The following TRIO variants were observed in gnomAD, a reference collection of about 807,000 sequenced individuals.
TRIO encodes the protein triple functional domain protein.
TRIO carries 58 observed loss-of-function variants against 351.9 expected under a neutral mutation model. The observed-to-expected ratio is 0.16, with a 90% CI of 0.13 to 0.21. The LOEUF is 0.21. Ranked by LOEUF, TRIO falls within the 10% of genes least tolerant of loss-of-function variation. The pLI, the probability that TRIO is intolerant of heterozygous loss-of-function variation, is 1.00. For synonymous variants in TRIO, 1,758 were observed against 1,595.7 expected (o/e 1.10, Z -2.42); for missense variants, 3,201 against 4,027.8 (o/e 0.79, Z 5.56).
At position 14,419,924 on chromosome 5, in the gene TRIO, C is replaced by T. The variant is rs545906078; in HGVS notation, c.5106C>T (p.Asp1702=). The T allele has an allele frequency of 1.2e-6, 2 of 1,614,156 alleles. No homozygotes were observed. The highest frequency in any genetic ancestry group is 1.7e-5 in the Admixed American group (1 of 60,024). The part of the protein sequence containing the change: ...KPDWCLVRTT[D]RSPAAEGLVP... ...ACTGGTGTCTGGTGCGGACAACTGACCGCTCCCCAGCGGCAGAAGGCCTGG... is the reference window on the plus strand; with the variant it reads ...ACTGGTGTCTGGTGCGGACAACTGATCGCTCCCCAGCGGCAGAAGGCCTGG... The change falls in exon 34 of 57, where the codon GAC becomes GAT. Residue 1702 remains aspartate, a synonymous_variant. Transcript: ENST00000344204.
At chr5:14,488,574 A>C (rs1756227018) in intron 48 of TRIO, 8 of 502,522 alleles carry the variant, frequency 1.6e-5, no homozygotes, top group Non-Finnish European at 1.4e-5. Flanking sequence ...TGCCTTCCTC[A>C]CGCACCTATT....
intron 37 of TRIO, among the ~76,000 whole-genome samples, chr5:14,470,831 A>T (rs1009821195): frequency 6.6e-6 from 1 of 152,216 alleles, no homozygotes; most frequent in African/African-American, 2.4e-5. Flanking sequence ...TAATCAGGAA[A>T]CAAACCAAGT....
In TRIO at chr5:14,363,877, T is replaced by G; in HGVS notation, c.2537T>G (p.Ile846Ser). The G allele has an allele frequency of 6.2e-7, 1 of 1,614,204 alleles. No individual in the cohort carries two copies. The highest frequency in any genetic ancestry group is 8.5e-7 in the Non-Finnish European group (1 of 1,180,030). ...LTMNNLTFDV[I>S]HQGQDLLQYV... is the part of the protein sequence containing the mutation. ...ATGAACAACTTGACTTTTGACGTCA[T>G]CCACCAAGGGCAAGATCTTCTGCAG... Residue 846 changes from isoleucine to serine, a missense_variant, in exon 14 of 57, where the codon ATC (isoleucine) becomes AGC (serine). This residue lies in a region of TRIO where 363 missense variants were observed against 553.5 expected (regional missense o/e 0.66). Coordinates refer to ENST00000344204, the MANE Select transcript of TRIO (RefSeq NM_007118.4).
intron 9 of TRIO, among the ~76,000 whole-genome samples, chr5:14,324,349 T>C: frequency 6.6e-6 from 1 of 152,350 alleles, no homozygotes; most frequent in East Asian, 1.9e-4. Flanking sequence ...AGATGTGACT[T>C]AGAAGGGGTT....
chr5:14,471,345 C>T lies in TRIO; in HGVS notation c.5791C>T (p.Leu1931Phe), dbSNP rs2126550841. ...ACTGGAGGATCGCCCCAGCTCACTC[C>T]TTGTTGACCAGGGAGATAGTAGCAG... ...MALEDRPSSL[L>F]VDQGDSSSPS... Residue 1931 changes from leucine (L) to phenylalanine (F), a missense_variant, in exon 38 of 57, where the codon CTT (leucine) becomes TTT (phenylalanine). Transcript: ENST00000344204. The T allele has an allele frequency of 6.2e-7, 1 of 1,614,092 alleles. No individual in the cohort carries two copies. The highest frequency in any genetic ancestry group is 8.5e-7 in the Non-Finnish European group (1 of 1,179,998).
Position 14,278,101 on chromosome 5 carries a change from C to T in TRIO, c.233-2221C>T, listed in dbSNP as rs532534071. Among the ~76,000 whole-genome samples the T allele has an allele frequency of 9.7e-4, 148 of 152,304 alleles. 1 individual carries two copies. The highest frequency in any genetic ancestry group is 3.3e-3 in the African/African-American group (139 of 41,552). On this transcript the variant is annotated intron_variant, in intron 2 of 56. Coordinates refer to ENST00000344204, the MANE Select transcript of TRIO (RefSeq NM_007118.4). Reference sequence around the variant, plus strand: ...AAGCTTTTCTTAGGACATGACTCAGCGCCTAAGCAGATGAACTTGGTAGCA... The same window carrying T: ...AAGCTTTTCTTAGGACATGACTCAGTGCCTAAGCAGATGAACTTGGTAGCA...
At chr5:14,469,889 T>C (rs1194405517) in intron 37 of TRIO, among the ~76,000 whole-genome samples, 1 of 152,226 alleles carries the variant, frequency 6.6e-6, no homozygotes. Flanking sequence ...CCTTTCTCTT[T>C]CTTTTCTTTG....
At chr5:14,392,786 CCTGTAATCCCAGCA>C (rs1747210203) in intron 27 of TRIO, among the ~76,000 whole-genome samples, 1 of 152,208 alleles carries the variant, frequency 6.6e-6, no homozygotes, top group South Asian at 2.1e-4. Context: ...GCGGCTCACG[CCTGTAATCCCAGCA>C]CTTTGGGAGG....
chr5:14,386,799 TAG>T (rs1436767027), intron 21 of TRIO, among the ~76,000 whole-genome samples: 3 of 152,326 alleles, frequency 2.0e-5, no homozygotes, highest in Non-Finnish European at 4.4e-5. Flanking sequence ...AGAATAATTT[TAG>T]AGAGAGCTCT....
intron 20 of TRIO, among the ~76,000 whole-genome samples, chr5:14,380,838 C>A (rs569364613): frequency 6.6e-6 from 1 of 152,286 alleles, no homozygotes; most frequent in South Asian, 2.1e-4. Context: ...CAGCAATAGA[C>A]TGGATAAAGA....
chr5:14,278,786 G>A (rs970937498), intron 2 of TRIO, among the ~76,000 whole-genome samples: 2 of 152,204 alleles, frequency 1.3e-5, no homozygotes, highest in Admixed American at 6.5e-5. Flanking sequence ...TGCTTCTCAT[G>A]TTTAATAGTA....
At position 14,462,741 on chromosome 5, in the gene TRIO, T is replaced by C. The variant is rs767940567; in HGVS notation, c.5497-14T>C. The C allele has an allele frequency of 6.2e-7, 1 of 1,613,708 alleles. No individual in the cohort carries two copies. Among genetic ancestry groups the C allele is most frequent in the Non-Finnish European group, 8.5e-7 (1 of 1,179,824 alleles). ...GGCCTGGAATATAATGAGCAAATCT[T>C]GACTGGATTTCAGAGAGGCCGGAAC... On this transcript the variant is annotated splice_polypyrimidine_tract_variant and intron_variant, in intron 35 of 56. Coordinates refer to ENST00000344204, the MANE Select transcript of TRIO (RefSeq NM_007118.4).
chr5:14,284,351 C>G (rs1264602653), intron 3 of TRIO, among the ~76,000 whole-genome samples: 1 of 152,140 alleles, frequency 6.6e-6, no homozygotes, highest in Non-Finnish European at 1.5e-5. Context: ...ATTAGGTGCT[C>G]ATAAATAGGA....
Position 14,469,969 on chromosome 5 carries a change from G to A in TRIO, c.5764-1349G>A, listed in dbSNP as rs137865349. ...TCAGCTGTCCAGGTGGGGGATGGGG[G>A]GTACAGAACATCCTCCCTTCGCTCT... On this transcript the variant is annotated intron_variant, in intron 37 of 56. Coordinates refer to ENST00000344204, the MANE Select transcript of TRIO (RefSeq NM_007118.4). 8.4e-3 allele frequency among the ~76,000 whole-genome samples: 1,273 copies of A among 152,242 alleles called. 78 individuals carry two copies. The highest frequency in any genetic ancestry group is 0.072 in the Admixed American group (1,104 of 15,284).
chr5:14,280,471 T>C, intron 3 of TRIO, 35 bp downstream of exon 3: 4 of 1,551,960 alleles, frequency 2.6e-6, no homozygotes, highest in African/African-American at 1.4e-5. Flanking sequence ...GTCACTGATG[T>C]CACATTTACA....
intron 1 of TRIO, among the ~76,000 whole-genome samples, chr5:14,183,444 G>A (rs890926034): frequency 2.0e-5 from 3 of 151,850 alleles, no homozygotes; most frequent in Non-Finnish European, 4.4e-5. Context: ...TGCTTAAAAG[G>A]GATCAGTTTG....
chr5:14,273,394 G>A (rs1211548151), intron 2 of TRIO, among the ~76,000 whole-genome samples: 2 of 152,226 alleles, frequency 1.3e-5, no homozygotes, highest in African/African-American at 2.4e-5. Context: ...TTGCACTTAA[G>A]TAAGATAGAA....
At chr5:14,281,047 A>G (rs995793718) in intron 3 of TRIO, among the ~76,000 whole-genome samples, 6 of 152,128 alleles carry the variant, frequency 3.9e-5, no homozygotes, top group Non-Finnish European at 7.3e-5. Context: ...CTGTGTGTAT[A>G]CTTGAGGAAT....
chr5:14,493,419 A>C (rs1464887115), intron 49 of TRIO, among the ~76,000 whole-genome samples: 3 of 152,176 alleles, frequency 2.0e-5, no homozygotes, highest in Non-Finnish European at 2.9e-5. Flanking sequence ...TGATTCTCAA[A>C]TATTTCATGC....
Sources: gnomAD v4.1 joint callset for allele counts (sites outside exome capture counted in the v4.1 genomes callset) on GRCh38, gnomAD v4.1.1 for gene constraint, gnomAD v4.1.1 regional missense constraint, MANE v1.5 for transcripts, NCBI Gene and HGNC (gene_info 2026-07-23, HGNC 2026-07-21) for gene names.